Variants in RAB11FIP2 observed in about 807,000 individuals in gnomAD.
RAB11FIP2 encodes rab11 family-interacting protein 2.
In RAB11FIP2, 16 loss-of-function variants were observed where a neutral mutation model predicts 40.9. The ratio of observed to expected loss-of-function variants is 0.39; its 90% confidence interval spans 0.26 to 0.59. The LOEUF is 0.59. RAB11FIP2 is among the 20% of genes least tolerant of loss of function. The pLI, the probability that RAB11FIP2 is intolerant of heterozygous loss-of-function variation, is 0.53. For missense variants in RAB11FIP2, 532 were observed against 606.2 expected (o/e 0.88, Z 1.28); for synonymous variants, 228 against 213.7 (o/e 1.07, Z -0.58).
chr10:118,027,140 C>T (rs143467892), intron 3 of RAB11FIP2, among the ~76,000 whole-genome samples: 2 of 152,238 alleles, frequency 1.3e-5, no homozygotes, highest in African/African-American at 2.4e-5. Flanking sequence ...AAAACACTAC[C>T]CTCAGCACTT....
intron 1 of RAB11FIP2, among the ~76,000 whole-genome samples, chr10:118,042,235 T>C (rs943642244): frequency 1.3e-5 from 2 of 152,024 alleles, no homozygotes; most frequent in Non-Finnish European, 2.9e-5. Flanking sequence ...AGCACGTATG[T>C]AACAAATCAA....
intron 3 of RAB11FIP2, among the ~76,000 whole-genome samples, chr10:118,034,438 G>C (rs528609445): frequency 1.3e-5 from 2 of 151,646 alleles, no homozygotes; most frequent in African/African-American, 2.4e-5. Flanking sequence ...GTGAAAAACA[G>C]CCTGGTGGTA....
intron 3 of RAB11FIP2, among the ~76,000 whole-genome samples, chr10:118,031,397 T>C (rs1002023917): frequency 3.9e-5 from 6 of 152,162 alleles, no homozygotes; most frequent in African/African-American, 1.4e-4. Flanking sequence ...ATGAACATGT[T>C]ACACAATTTC....
intron 3 of RAB11FIP2, among the ~76,000 whole-genome samples, chr10:118,038,247 T>C (rs1408967421): frequency 6.6e-6 from 1 of 151,172 alleles, no homozygotes; most frequent in African/African-American, 2.4e-5. Context: ...TATCTATATA[T>C]GTAGATATAA....
Position 118,046,331 on chromosome 10 carries a change from C to T in RAB11FIP2, c.-168G>A, listed in dbSNP as rs1846636983. 1 of 632,356 alleles carries T rather than the reference C, an allele frequency of 1.6e-6. No homozygotes were observed. Among genetic ancestry groups the T allele is most frequent in the South Asian group, 2.0e-5 (1 of 49,908 alleles). The allele number at this position is 632,356 out of a possible 1,614,324, so 39.2% of individuals were successfully genotyped here. A position where few individuals can be genotyped will look rare whatever the true frequency, so the allele number is the denominator to read the frequency against. ...ATGTCAAAACGCCTCGCGGGGGCAGCCCAGGGGCACGGCCGCTCCGGGGGT... is the reference window on the plus strand; with the variant it reads ...ATGTCAAAACGCCTCGCGGGGGCAGTCCAGGGGCACGGCCGCTCCGGGGGT... On this transcript the variant is annotated 5_prime_UTR_variant, in exon 1 of 5. Coordinates refer to ENST00000355624, the MANE Select transcript of RAB11FIP2 (RefSeq NM_014904.3).
chr10:118,015,184 AC>A, intron 3 of RAB11FIP2, 74 bp from the exon 4 acceptor site: 1 of 1,268,320 alleles, frequency 7.9e-7, no homozygotes, highest in Middle Eastern at 2.0e-4. Context: ...AAAAATTTTA[AC>A]CAACATTGTA....
intron 3 of RAB11FIP2, chr10:118,018,374 C>T (rs764654999): frequency 2.6e-5 from 4 of 152,138 alleles, no homozygotes; most frequent in Non-Finnish European, 5.9e-5. Context: ...TCGAATAATC[C>T]GGTCTGACTG....
chr10:118,034,183 C>A, intron 3 of RAB11FIP2: 1 of 630,864 alleles, frequency 1.6e-6, no homozygotes, highest in Non-Finnish European at 2.9e-6. Context: ...GGCAGCAAGC[C>A]AGATTTGGCC....
intron 4 of RAB11FIP2, among the ~76,000 whole-genome samples, chr10:118,010,498 G>C (rs898789131): frequency 6.6e-6 from 1 of 151,970 alleles, no homozygotes; most frequent in African/African-American, 2.4e-5. Context: ...TATGTATTTG[G>C]GGGTGTTCAT....
intron 1 of RAB11FIP2, among the ~76,000 whole-genome samples, chr10:118,042,902 A>C (rs1846578598): frequency 6.6e-6 from 1 of 152,208 alleles, no homozygotes; most frequent in Admixed American, 6.5e-5. Context: ...AAATAACTTT[A>C]GTTGCTTTGT....
At chr10:118,016,684 G>A (rs1846223709) in intron 3 of RAB11FIP2, among the ~76,000 whole-genome samples, 3 of 152,140 alleles carry the variant, frequency 2.0e-5, no homozygotes, top group Admixed American at 1.3e-4. Flanking sequence ...AAAACAAAAT[G>A]ATATACACTC....
At position 118,040,347 on chromosome 10, in the gene RAB11FIP2, G is replaced by C; in HGVS notation, c.572C>G (p.Thr191Ser). Residue 191 changes from threonine (T) to serine (S), a missense_variant, in exon 2 of 5, where the codon ACT (threonine) becomes AGT (serine). Thr to Ser is a moderately conservative substitution (Grantham distance 58, BLOSUM62 1). Transcript: ENST00000355624. The part of the protein sequence containing the change: ...SDTSSAIIPS[T>S]HMPDANSEFS... ...TTCACTATTGGCATCGGGCATGTGA[G>C]TACTTGGAATGATTGCAGAAGACGT... The C allele has an allele frequency of 6.2e-7, 1 of 1,613,796 alleles. No homozygotes were observed. The highest frequency in any genetic ancestry group is 8.5e-7 in the Non-Finnish European group (1 of 1,179,712).
chr10:118,009,472 T>C (rs1846131969), intron 4 of RAB11FIP2, among the ~76,000 whole-genome samples: 1 of 152,156 alleles, frequency 6.6e-6, no homozygotes, highest in Non-Finnish European at 1.5e-5. Flanking sequence ...GGCAATTTCC[T>C]AATATCTGAG....
intron 4 of RAB11FIP2, among the ~76,000 whole-genome samples, chr10:118,012,580 T>C (rs1354482982): frequency 1.3e-5 from 2 of 151,900 alleles, no homozygotes; most frequent in Non-Finnish European, 2.9e-5. Context: ...AAATAATGAT[T>C]AAGTAATATA....
At chr10:118,042,937 T>G (rs1310540615) in intron 1 of RAB11FIP2, among the ~76,000 whole-genome samples, 2 of 152,178 alleles carry the variant, frequency 1.3e-5, no homozygotes, top group African/African-American at 4.8e-5. Context: ...AATAGGGAAG[T>G]CTTAATGAGA....
chr10:118,029,720 G>A (rs1027963441), intron 3 of RAB11FIP2, among the ~76,000 whole-genome samples: 1 of 152,018 alleles, frequency 6.6e-6, no homozygotes, highest in African/African-American at 2.4e-5. Context: ...GAATGAATCA[G>A]GAGCCTCGCA....
In RAB11FIP2 at chr10:118,005,239, T is replaced by C. The variant is rs542210064; in HGVS notation, c.*3759A>G. ...AAGACTAACAGGCCCACATGTATCA[T>C]GTATTAGACTTCAACTCCACTGTGA... On this transcript the variant is annotated 3_prime_UTR_variant, in exon 5 of 5. Transcript: ENST00000355624. 6.6e-6 allele frequency: 1 copy of C among 152,668 alleles called. No homozygotes were observed. The highest frequency in any genetic ancestry group is 1.5e-5 in the Non-Finnish European group (1 of 68,044). The allele number at this position is 152,668 out of a possible 1,614,324, so 9.5% of individuals were successfully genotyped here.
intron 3 of RAB11FIP2, among the ~76,000 whole-genome samples, chr10:118,016,930 C>A (rs960854494): frequency 3.9e-5 from 6 of 152,168 alleles, no homozygotes; most frequent in Admixed American, 2.0e-4. Context: ...CCAGATAGAA[C>A]ATTATTTCAT....
rs1054752507 is a variant in RAB11FIP2, at chr10:118,007,332, C to T, written c.*1666G>A. 4 of 151,100 alleles carry T rather than the reference C, an allele frequency of 2.6e-5. No homozygotes were observed. The highest frequency in any genetic ancestry group is 4.4e-5 in the Non-Finnish European group (3 of 67,756). The allele number at this position is 151,100 out of a possible 1,614,324, so 9.4% of individuals were successfully genotyped here. ...TTTATGAAAAAAATGTTCATAATTT[C>T]AAAATGTATGTTCTTACAGTAAAAC... On this transcript the variant is annotated 3_prime_UTR_variant, in exon 5 of 5. Transcript: ENST00000355624.
Sources: gnomAD v4.1 joint callset for allele counts (sites outside exome capture counted in the v4.1 genomes callset) on GRCh38, gnomAD v4.1.1 for gene constraint, MANE v1.5 for transcripts, NCBI Gene and HGNC (gene_info 2026-07-23, HGNC 2026-07-21) for gene names.